The following PCDHGA10 variants were observed in gnomAD, a reference collection of about 807,000 sequenced individuals.
PCDHGA10 encodes protocadherin gamma-A10.
In PCDHGA10, 42 loss-of-function variants were observed where a neutral mutation model predicts 59.5. That is an observed-to-expected ratio of 0.71 (90% CI 0.55 to 0.91). The LOEUF (loss-of-function observed/expected upper bound fraction) is 0.91. Among genes scored for constraint, PCDHGA10 ranks in the 40% least tolerant of loss-of-function variants. PCDHGA10 has a pLI of 0.00. For missense variants in PCDHGA10, 1,111 were observed against 1,198.2 expected, an observed-to-expected ratio of 0.93 and a Z score of 1.07; for synonymous variants, 511 against 517.2, an observed-to-expected ratio of 0.99 and a Z score of 0.16.
At chr5:141,427,492 T>C (rs894605769) in intron 1 of PCDHGA10, 1 of 555,624 alleles carries the variant, frequency 1.8e-6, no homozygotes, top group Non-Finnish European at 3.4e-6. Context: ...TATAAGCTTG[T>C]AACAGATGGG....
Position 141,485,943 on chromosome 5 carries a change from C to CG in PCDHGA10, c.2437-8861dup, listed in dbSNP as rs1562109052. ...ATTAGTGTGTTGGAGAGCGCACCAG[C>CG]GGGCATGGTGCTCATCCAGCTCAAT... On this transcript the variant is annotated intron_variant, in intron 1 of 3. Coordinates refer to ENST00000398610, the MANE Select transcript of PCDHGA10 (RefSeq NM_018913.3). The surrounding 1 kb of genome is among the most constrained non-coding windows in gnomAD (Gnocchi z 5.7). The CG allele has an allele frequency of 1.2e-6, 2 of 1,614,126 alleles. No individual in the cohort carries two copies. Among genetic ancestry groups the CG allele is most frequent in the Non-Finnish European group, 1.7e-6 (2 of 1,180,012 alleles).
chr5:141,475,721 G>A (rs867365261), intron 1 of PCDHGA10, among the ~76,000 whole-genome samples: 1 of 152,248 alleles, frequency 6.6e-6, no homozygotes. Context: ...ACAGCCCCAA[G>A]GCTGGCTTTC....
intron 1 of PCDHGA10, chr5:141,478,679 C>T (rs1247027395): frequency 3.2e-6 from 5 of 1,551,382 alleles, no homozygotes; most frequent in East Asian, 2.4e-5. Flanking sequence ...TCAACTGGCC[C>T]TTCCTAGATC....
rs1057108915 is a variant in PCDHGA10 at position 141,511,366 on chromosome 5, T to C, written c.*193T>C. The C allele has an allele frequency of 3.8e-6, 5 of 1,306,414 alleles. No individual in the cohort carries two copies. In the Admixed American group the frequency reaches 8.4e-5, roughly 22 times the overall value. The allele number at this position is 1,306,414 out of a possible 1,614,324, so 80.9% of individuals were successfully genotyped here. A position where few individuals can be genotyped will look rare whatever the true frequency, so the allele number is the denominator to read the frequency against. On this transcript the variant is annotated 3_prime_UTR_variant, in exon 4 of 4. Transcript: ENST00000398610. ...CCCTTCCCCCCCAGGGGGTTGAATA[T>C]GCAAAAGCAGTTCCGCTGGGAACCC...
In PCDHGA10 at chr5:141,494,886, C is replaced by T. The variant is rs1212594477; in HGVS notation, c.2495+21C>T. ...AGCGGGTAGGTGACTGATTCTCCAG[C>T]CCACCCTCTTCTCTGCGGCATTTTC... On this transcript the variant is annotated intron_variant, in intron 2 of 3. Coordinates refer to ENST00000398610, the MANE Select transcript of PCDHGA10 (RefSeq NM_018913.3). 8 of 1,614,010 alleles carry T rather than the reference C, an allele frequency of 5.0e-6. No homozygotes were observed. The Admixed American group carries it at 8.3e-5, about 17-fold the overall frequency.
intron 1 of PCDHGA10, among the ~76,000 whole-genome samples, chr5:141,425,159 G>C (rs557552439): frequency 6.6e-6 from 1 of 152,126 alleles, no homozygotes; most frequent in South Asian, 2.1e-4. Context: ...AGCATCTAGG[G>C]ATAGGATTTA....
chr5:141,486,552 A>C lies in PCDHGA10; in HGVS notation c.2437-8255A>C. The C allele has an allele frequency of 6.2e-7, 1 of 1,614,136 alleles. No individual in the cohort carries two copies. The highest frequency in any genetic ancestry group is 1.1e-5 in the South Asian group (1 of 91,082). On this transcript the variant is annotated intron_variant, in intron 1 of 3. Coordinates refer to ENST00000398610, the MANE Select transcript of PCDHGA10 (RefSeq NM_018913.3). This position sits in a 1 kb window ranked among gnomAD's most constrained non-coding sequence, Gnocchi z 5.0. The stretch of plus-strand genomic sequence containing the variant: ...CCACCCTCTTTCTTTCAGAGGTCAC[A>C]TGAGGTGTTTGTTCCTGAGAACAAT...
chr5:141,436,207 A>T (rs544201723), intron 1 of PCDHGA10, among the ~76,000 whole-genome samples: 1 of 152,142 alleles, frequency 6.6e-6, no homozygotes, highest in Admixed American at 6.5e-5. Context: ...ACATAATAGG[A>T]AAACAAATGA....
rs183952562 is a variant in PCDHGA10 at position 141,423,399 on chromosome 5, C to A, written c.2436+7788C>A. On this transcript the variant is annotated intron_variant, in intron 1 of 3. Transcript: ENST00000398610. ...GGCTGTGGCGCTGGCATAAGTCACG[C>A]CTGCTGCAGGCTTCTGAAGGCGGGT... 3.5e-5 allele frequency: 56 copies of A among 1,614,150 alleles called. No homozygotes were observed. The East Asian group carries it at 1.1e-3, about 33-fold the overall frequency.
chr5:141,465,501 C>T (rs1044567555), intron 1 of PCDHGA10, among the ~76,000 whole-genome samples: 1 of 152,164 alleles, frequency 6.6e-6, no homozygotes, highest in Non-Finnish European at 1.5e-5. Context: ...GGAGCATTGT[C>T]GTGGTCAGGA....
chr5:141,417,211 T>C (rs1027777607), intron 1 of PCDHGA10: 1 of 152,174 alleles, frequency 6.6e-6, no homozygotes, highest in Admixed American at 6.5e-5. Context: ...TAGGCTAGAA[T>C]TGAAGACAAA....
chr5:141,502,514 T>A (rs2099814743), intron 2 of PCDHGA10, among the ~76,000 whole-genome samples: 1 of 152,202 alleles, frequency 6.6e-6, no homozygotes, highest in African/African-American at 2.4e-5. Flanking sequence ...TGTCCCACTA[T>A]CAGTGATGCC....
intron 1 of PCDHGA10, among the ~76,000 whole-genome samples, chr5:141,444,786 T>C (rs1252217349): frequency 6.6e-6 from 1 of 152,226 alleles, no homozygotes; most frequent in Non-Finnish European, 1.5e-5. Context: ...CATGTTTCAT[T>C]TGTCTATTCT....
rs2097527384 is a variant in PCDHGA10 at position 141,432,674 on chromosome 5, A to G, written c.2436+17063A>G. 2 of 1,613,856 alleles carry G rather than the reference A, an allele frequency of 1.2e-6. No homozygotes were observed. The highest frequency in any genetic ancestry group is 4.5e-5 in the East Asian group (2 of 44,840). On this transcript the variant is annotated intron_variant, in intron 1 of 3. Coordinates refer to ENST00000398610, the MANE Select transcript of PCDHGA10 (RefSeq NM_018913.3). The surrounding 1 kb of genome is among the most constrained non-coding windows in gnomAD (Gnocchi z 6.0). ...AGCCCTGCTGGACAGAGACGCGCTCAAGCAGAGCCTCGTAGTGGCCGTCCA... is the reference window on the plus strand; with the variant it reads ...AGCCCTGCTGGACAGAGACGCGCTCGAGCAGAGCCTCGTAGTGGCCGTCCA...
At chr5:141,433,853 A>G (rs934981508) in intron 1 of PCDHGA10, among the ~76,000 whole-genome samples, 1 of 152,026 alleles carries the variant, frequency 6.6e-6, no homozygotes, top group Non-Finnish European at 1.5e-5. Flanking sequence ...AAAAAAAAAA[A>G]AACTTTATCC....
At position 141,490,448 on chromosome 5, in the gene PCDHGA10, A is replaced by C. The variant is rs1309104827; in HGVS notation, c.2437-4359A>C. 1 of 1,614,206 alleles carries C rather than the reference A, an allele frequency of 6.2e-7. No homozygotes were observed. Among genetic ancestry groups the C allele is most frequent in the Admixed American group, 1.7e-5 (1 of 60,030 alleles). ...TTTCAGATTAAGCCTTCTGAGAACC[A>C]CTACTCGCTGCTAACCAGCCAGCCT... is the stretch of plus-strand genomic sequence containing the variant. On this transcript the variant is annotated intron_variant, in intron 1 of 3. Coordinates refer to ENST00000398610, the MANE Select transcript of PCDHGA10 (RefSeq NM_018913.3). This position sits in a 1 kb window ranked among gnomAD's most constrained non-coding sequence, Gnocchi z 5.4.
chr5:141,428,266 G>A (rs764763674), intron 1 of PCDHGA10: 1 of 810,620 alleles, frequency 1.2e-6, no homozygotes. Context: ...TGACAGTCCT[G>A]TGCCCTCTGA....
intron 2 of PCDHGA10, among the ~76,000 whole-genome samples, chr5:141,500,935 C>A (rs1159997919): frequency 1.3e-5 from 2 of 151,694 alleles, no homozygotes; most frequent in Non-Finnish European, 2.9e-5. Flanking sequence ...GTGGCGCCAT[C>A]TCGGCTCACT....
chr5:141,448,705 C>T (rs2098601893), intron 1 of PCDHGA10, among the ~76,000 whole-genome samples: 1 of 152,100 alleles, frequency 6.6e-6, no homozygotes, highest in Non-Finnish European at 1.5e-5. Context: ...CTTTGGGAGG[C>T]CGAGGCGGGA....
Sources: allele counts gnomAD v4.1 joint callset (sites outside exome capture counted in the v4.1 genomes callset), GRCh38; gene constraint gnomAD v4.1.1; non-coding constraint Gnocchi (gnomAD v3.1); transcripts MANE v1.5; gene names NCBI Gene and HGNC (gene_info 2026-07-23, HGNC 2026-07-21).